COL23A1: variants seen among roughly 807,000 people sequenced by gnomAD.
COL23A1 encodes collagen alpha-1(XXIII) chain.
Under a neutral mutation model 99.3 loss-of-function variants are expected in COL23A1, and 97 were observed. That is an observed-to-expected ratio of 0.98 (90% confidence interval 0.83 to 1.16). The LOEUF is 1.16. COL23A1 is among the 50% of genes most tolerant of loss of function. The pLI is 0.00. For missense variants in COL23A1, 762 were observed against 757.4 expected (o/e 1.01, Z -0.07); for synonymous variants, 320 against 308.2 (o/e 1.04, Z -0.40).
chr5:178,537,889 C>CTT (rs1761068793), intron 2 of COL23A1, among the ~76,000 whole-genome samples: 1 of 152,312 alleles, frequency 6.6e-6, no homozygotes, highest in East Asian at 1.9e-4. Context: ...CTCCAGAGCT[C>CTT]TTCAACTTCC....
intron 2 of COL23A1, among the ~76,000 whole-genome samples, chr5:178,550,043 T>G (rs570932269): frequency 6.6e-6 from 1 of 152,142 alleles, no homozygotes; most frequent in African/African-American, 2.4e-5. Context: ...GATACCTCCA[T>G]GAGACTCCAT....
intron 1 of COL23A1, among the ~76,000 whole-genome samples, chr5:178,583,479 G>A (rs1183766555): frequency 2.6e-5 from 4 of 152,170 alleles, no homozygotes; most frequent in African/African-American, 9.7e-5. Context: ...GGTTGATCGT[G>A]CACACACATG....
At chr5:178,479,025 C>G (rs1366750085) in intron 2 of COL23A1, among the ~76,000 whole-genome samples, 1 of 152,006 alleles carries the variant, frequency 6.6e-6, no homozygotes, top group Non-Finnish European at 1.5e-5. Flanking sequence ...CCATGTGAGG[C>G]CCAGGGAGAC....
Position 178,238,117 on chromosome 5 carries a change from G to A in COL23A1, c.*581C>T, listed in dbSNP as rs1380665391. On this transcript the variant is annotated 3_prime_UTR_variant, in exon 29 of 29. Coordinates refer to ENST00000390654, the MANE Select transcript of COL23A1 (RefSeq NM_173465.4). Reference sequence around the variant, plus strand: ...GCTGGCCTCCTGAGGCCTCCTGAATGTGGTAGAGCTAGACCCTCGTGGGGG... The same window carrying A: ...GCTGGCCTCCTGAGGCCTCCTGAATATGGTAGAGCTAGACCCTCGTGGGGG... The A allele has an allele frequency of 6.5e-6, 1 of 153,576 alleles. No homozygotes were observed. The highest frequency in any genetic ancestry group is 2.4e-5 in the African/African-American group (1 of 41,472). The allele number at this position is 153,576 out of a possible 1,614,324, so 9.5% of individuals were successfully genotyped here. A position where few individuals can be genotyped will look rare whatever the true frequency, so the allele number is the denominator to read the frequency against.
Position 178,276,146 on chromosome 5 carries a change from G to T in COL23A1, c.442-5783C>A, listed in dbSNP as rs902323316. The stretch of plus-strand genomic sequence containing the variant: ...CCCTGGAGTGTCTTGATGCTCATCT[G>T]CCGGGAAAAGCCTGTGCTGCTCTTC... On this transcript the variant is annotated intron_variant, in intron 5 of 28. Coordinates refer to ENST00000390654, the MANE Select transcript of COL23A1 (RefSeq NM_173465.4). Among the ~76,000 whole-genome samples the T allele has an allele frequency of 2.0e-5, 3 of 152,320 alleles. No homozygotes were observed. The East Asian group carries it at 5.8e-4, about 29-fold the overall frequency.
rs576848349 is a variant in COL23A1 at position 178,347,288 on chromosome 5, G to T, written c.362-40369C>A. Among the ~76,000 whole-genome samples the T allele has an allele frequency of 4.6e-5, 7 of 152,248 alleles. No homozygotes were observed. In the East Asian group the frequency reaches 1.4e-3, roughly 29 times the overall value. On this transcript the variant is annotated intron_variant, in intron 2 of 28. Transcript: ENST00000390654. Reference sequence around the variant, plus strand: ...TAACTTTTTAAATTTAAATAGCCACGAATGAACCTTGAACACGTGCTAGGT... The same window carrying T: ...TAACTTTTTAAATTTAAATAGCCACTAATGAACCTTGAACACGTGCTAGGT...
chr5:178,288,298 G>C (rs988356747), intron 5 of COL23A1, 26 bp downstream of exon 5: 7 of 1,529,468 alleles, frequency 4.6e-6, no homozygotes, highest in East Asian at 2.2e-5. Flanking sequence ...AGGGTGAAGA[G>C]AGCAAAAAAA....
Position 178,306,920 on chromosome 5 carries a change from C to T in COL23A1, c.362-1G>A. 6.5e-7 allele frequency: 1 copy of T among 1,529,256 alleles called. No homozygotes were observed. Among genetic ancestry groups the T allele is most frequent in the African/African-American group, 1.4e-5 (1 of 70,460 alleles). 94.7% of individuals were successfully genotyped at this position (1,529,256 alleles called of 1,614,324 possible). A position where few individuals can be genotyped will look rare whatever the true frequency, so the allele number is the denominator to read the frequency against. On this transcript the variant is annotated splice_acceptor_variant, in intron 2 of 28. Coordinates refer to ENST00000390654, the MANE Select transcript of COL23A1 (RefSeq NM_173465.4). LOFTEE classifies it high-confidence loss of function. This position sits in a 1 kb window ranked among gnomAD's most constrained non-coding sequence, Gnocchi z 4.1. ...GGCTTGCCGCGCCGTCCAGGGGGCC[C>T]TAGACAGGAAAACAAGAATGCATTC...
chr5:178,287,602 C>T (rs1448222470), intron 5 of COL23A1, among the ~76,000 whole-genome samples: 1 of 152,210 alleles, frequency 6.6e-6, no homozygotes, highest in African/African-American at 2.4e-5. Flanking sequence ...CTGCACAGAT[C>T]TGTCCCGAAT....
Position 178,255,866 on chromosome 5 carries a change from G to A in COL23A1, c.882+487C>T, listed in dbSNP as rs916640924. ...TCTGGGAGCATGAGGAGACAGAGCC[G>A]AGGCCAGGATCCCGGACGTCACCCT... On this transcript the variant is annotated intron_variant, in intron 15 of 28. Coordinates refer to ENST00000390654, the MANE Select transcript of COL23A1 (RefSeq NM_173465.4). This position sits in a 1 kb window ranked among gnomAD's most constrained non-coding sequence, Gnocchi z 4.2. The A allele has an allele frequency of 2.7e-5, 11 of 405,878 alleles. No individual in the cohort carries two copies. Among genetic ancestry groups the A allele is most frequent in the Non-Finnish European group, 5.6e-5 (11 of 198,028 alleles). 25.1% of individuals were successfully genotyped at this position (405,878 alleles called of 1,614,324 possible). A position where few individuals can be genotyped will look rare whatever the true frequency, so the allele number is the denominator to read the frequency against.
chr5:178,510,514 C>A (rs1227159274), intron 2 of COL23A1, among the ~76,000 whole-genome samples: 6 of 152,146 alleles, frequency 3.9e-5, no homozygotes, highest in African/African-American at 1.4e-4. Context: ...GTGCTCCAGC[C>A]TGGGCAACAG....
chr5:178,251,764 C>A lies in COL23A1; in HGVS notation c.1014+780G>T, dbSNP rs559462469. Reference sequence around the variant, plus strand: ...AAATGCTTGGGGGACCACATAGCTGCTCCTCCCTTTTGGAATCTCCAGTAT... The same window carrying A: ...AAATGCTTGGGGGACCACATAGCTGATCCTCCCTTTTGGAATCTCCAGTAT... On this transcript the variant is annotated intron_variant, in intron 17 of 28. Coordinates refer to ENST00000390654, the MANE Select transcript of COL23A1 (RefSeq NM_173465.4). 5.9e-5 allele frequency among the ~76,000 whole-genome samples: 9 copies of A among 152,238 alleles called. No individual in the cohort carries two copies. The South Asian group carries it at 1.9e-3, about 32-fold the overall frequency.
intron 2 of COL23A1, among the ~76,000 whole-genome samples, chr5:178,389,227 G>A (rs541250445): frequency 2.6e-5 from 4 of 152,114 alleles, no homozygotes; most frequent in South Asian, 2.1e-4. Context: ...GCCTGGAAGC[G>A]GCTTTCCTTT....
At chr5:178,514,036 C>T (rs1197421501) in intron 2 of COL23A1, among the ~76,000 whole-genome samples, 4 of 152,090 alleles carry the variant, frequency 2.6e-5, no homozygotes, top group Non-Finnish European at 5.9e-5. Flanking sequence ...AAAACTGAAA[C>T]CTTGTCCCCA....
At chr5:178,256,453 C>G (rs1035414783) in intron 14 of COL23A1, 56 bp from the exon 15 acceptor site, 1 of 1,526,042 alleles carries the variant, frequency 6.6e-7, no homozygotes, top group Non-Finnish European at 8.9e-7. Flanking sequence ...AAACACACCT[C>G]CCACGACCCT....
At chr5:178,342,639 G>A (rs1449141837) in intron 2 of COL23A1, among the ~76,000 whole-genome samples, 2 of 152,194 alleles carry the variant, frequency 1.3e-5, no homozygotes, top group Non-Finnish European at 2.9e-5. Context: ...GCTGGGCACT[G>A]AGGATACACA....
chr5:178,560,545 A>G, intron 2 of COL23A1, 137 bp downstream of exon 2: 1 of 681,810 alleles, frequency 1.5e-6, no homozygotes, highest in Non-Finnish European at 2.4e-6. Flanking sequence ...TCAATGTGGG[A>G]AAGAAAGGCC....
intron 6 of COL23A1, 69 bp downstream of exon 6, chr5:178,270,268 T>A: frequency 6.3e-7 from 1 of 1,583,938 alleles, no homozygotes; most frequent in South Asian, 1.1e-5. Flanking sequence ...CAGTGCCTGC[T>A]GGTCACTCCT....
At chr5:178,343,753 C>T (rs191067941) in intron 2 of COL23A1, among the ~76,000 whole-genome samples, 98 of 151,758 alleles carry the variant, frequency 6.5e-4, no homozygotes, top group Middle Eastern at 3.4e-3. Context: ...ACCTCTGCCT[C>T]CTGGGTTCAA....
Sources: gnomAD v4.1 joint callset for allele counts (sites outside exome capture counted in the v4.1 genomes callset) on GRCh38, gnomAD v4.1.1 for gene constraint, Gnocchi (gnomAD v3.1) non-coding constraint, MANE v1.5 for transcripts, NCBI Gene and HGNC (gene_info 2026-07-23, HGNC 2026-07-21) for gene names.